DNAH14: variants seen among roughly 807,000 people sequenced by gnomAD.
The protein encoded by DNAH14 is axonemal beta dynein heavy chain 14.
Under a neutral mutation model 520.9 loss-of-function variants are expected in DNAH14, and 478 were observed. The observed-to-expected ratio is 0.92, with a 90% CI of 0.85 to 0.99. The LOEUF is 0.99. Ranked by LOEUF, DNAH14 falls within the 50% of genes least tolerant of loss-of-function variation. The pLI, the probability that DNAH14 is intolerant of heterozygous loss-of-function variation, is 0.00. For missense variants in DNAH14, 4,831 were observed against 5,234.5 expected, an observed-to-expected ratio of 0.92 and a Z score of 2.38; for synonymous variants, 1,581 against 1,757.2, an observed-to-expected ratio of 0.90 and a Z score of 2.51.
At chr1:225,123,724 G>T in intron 27 of DNAH14, 110 bp downstream of exon 27, 1 of 196,702 alleles carries the variant, frequency 5.1e-6, no homozygotes. Flanking sequence ...TGAGTCACAT[G>T]ATTTTTTTTC....
chr1:225,355,592 A>G (rs188232089), intron 73 of DNAH14, among the ~76,000 whole-genome samples: 1 of 152,348 alleles, frequency 6.6e-6, no homozygotes, highest in Non-Finnish European at 1.5e-5. Flanking sequence ...AATTTAGAGG[A>G]GACACCAGCA....
chr1:225,229,564 T>G (rs770883369), intron 41 of DNAH14, among the ~76,000 whole-genome samples: 17 of 152,262 alleles, frequency 1.1e-4, no homozygotes, highest in Non-Finnish European at 2.1e-4. Context: ...ATGGCACATA[T>G]ACACCATGGA....
At chr1:225,278,618 A>G (rs766683211) in intron 54 of DNAH14, among the ~76,000 whole-genome samples, 4 of 152,124 alleles carry the variant, frequency 2.6e-5, no homozygotes, top group Non-Finnish European at 5.9e-5. Context: ...CTGTCTCCAC[A>G]TTTAGAACAT....
chr1:225,003,408 C>G (rs985890432), intron 9 of DNAH14, among the ~76,000 whole-genome samples: 1 of 151,910 alleles, frequency 6.6e-6, no homozygotes, highest in Non-Finnish European at 1.5e-5. Context: ...ATTAAGTCTA[C>G]AATTGAACAA....
intron 1 of DNAH14, among the ~76,000 whole-genome samples, chr1:224,933,427 C>G (rs1379422622): frequency 2.0e-5 from 3 of 152,110 alleles, no homozygotes; most frequent in African/African-American, 7.2e-5. Context: ...ATTTCTTGCT[C>G]TGGCCTGAAT....
chr1:225,052,816 A>G (rs2068673697), intron 17 of DNAH14, among the ~76,000 whole-genome samples: 3 of 152,212 alleles, frequency 2.0e-5, no homozygotes, highest in Non-Finnish European at 4.4e-5. Context: ...AAAAGGTAAC[A>G]GTGGCTTACA....
chr1:225,022,200 T>G lies in DNAH14; in HGVS notation c.1108-1415T>G, dbSNP rs2065760855. On this transcript the variant is annotated intron_variant, in intron 10 of 85. Coordinates refer to ENST00000682510, the MANE Select transcript of DNAH14 (RefSeq NM_001367479.1). ...TCTGGACATCAACCTTGACAAAGAATTTATGACCTAGTCCCCAAATGCAAT... is the reference window on the plus strand; with the variant it reads ...TCTGGACATCAACCTTGACAAAGAAGTTATGACCTAGTCCCCAAATGCAAT... Among the ~76,000 whole-genome samples, 2 of 152,108 alleles carry G rather than the reference T, an allele frequency of 1.3e-5. 1 individual carries two copies. The highest frequency in any genetic ancestry group is 4.8e-5 in the African/African-American group (2 of 41,414).
At chr1:225,374,299 T>A (rs1198523843) in intron 77 of DNAH14, among the ~76,000 whole-genome samples, 3 of 144,730 alleles carry the variant, frequency 2.1e-5, no homozygotes, top group Non-Finnish European at 4.5e-5. Context: ...TCTCACTCTG[T>A]CGCCCAGGCT....
Position 224,929,754 on chromosome 1 carries a change from C to G in DNAH14, c.-115C>G. On this transcript the variant is annotated 5_prime_UTR_variant, in exon 1 of 86. Coordinates refer to ENST00000682510, the MANE Select transcript of DNAH14 (RefSeq NM_001367479.1). ...CGCGGTCCTTCCCATTCACCCTAGT[C>G]TGGCGCTCGCCGGCGTGGGCGGGCC... 1 of 702,164 alleles carries G rather than the reference C, an allele frequency of 1.4e-6. No homozygotes were observed. Among genetic ancestry groups the G allele is most frequent in the Non-Finnish European group, 2.6e-6 (1 of 384,674 alleles). The allele number at this position is 702,164 out of a possible 1,614,324, so 43.5% of individuals were successfully genotyped here.
At chr1:225,082,171 G>GGTGTGTGTGTGTGTGTGTGTGTGT (rs56658194) in intron 19 of DNAH14, among the ~76,000 whole-genome samples, 67 of 145,320 alleles carry the variant, frequency 4.6e-4, no homozygotes, top group East Asian at 1.6e-3. Context: ...GAATGTTTGT[G>GGTGTGTGTGTGTGTGTGTGTGTGT]GTGTGTGTGT....
intron 84 of DNAH14, among the ~76,000 whole-genome samples, chr1:225,395,449 G>A (rs1002775742): frequency 2.0e-5 from 3 of 152,058 alleles, no homozygotes; most frequent in Admixed American, 6.5e-5. Context: ...AAAATTAGCC[G>A]GGCGTAGTGG....
chr1:225,178,978 C>A (rs570642604), intron 36 of DNAH14, among the ~76,000 whole-genome samples: 12 of 152,290 alleles, frequency 7.9e-5, no homozygotes, highest in African/African-American at 2.6e-4. Flanking sequence ...TTTTTGCTTG[C>A]TGCCATCCAT....
At chr1:225,170,841 T>G (rs1323798843) in intron 36 of DNAH14, among the ~76,000 whole-genome samples, 1 of 152,176 alleles carries the variant, frequency 6.6e-6, no homozygotes, top group Admixed American at 6.6e-5. Flanking sequence ...ACACCGCACT[T>G]ATTCCAACAT....
At position 225,257,971 on chromosome 1, in the gene DNAH14, C is replaced by T. The variant is rs1392969445; in HGVS notation, c.6877C>T (p.Leu2293=). The change falls in exon 45 of 86, where the codon CTA becomes TTA. Residue 2293 remains leucine (L), a synonymous_variant. Transcript: ENST00000682510. ...QTLIQRGTSL[L]TNLQRSGGNF... Reference sequence around the variant, plus strand: ...AAATGTTAACTTAGGAACTTCATTACTAACTAATCTTCAAAGATCTGGCGG... The same window carrying T: ...AAATGTTAACTTAGGAACTTCATTATTAACTAATCTTCAAAGATCTGGCGG... 7.1e-6 allele frequency: 11 copies of T among 1,546,940 alleles called. No homozygotes were observed. Among genetic ancestry groups the T allele is most frequent in the Non-Finnish European group, 9.6e-6 (11 of 1,145,298 alleles).
At chr1:225,369,550 A>G (rs969005134) in intron 77 of DNAH14, among the ~76,000 whole-genome samples, 7 of 152,074 alleles carry the variant, frequency 4.6e-5, no homozygotes, top group Non-Finnish European at 8.8e-5. Context: ...GTATATATGT[A>G]TATGCAATTA....
At chr1:225,173,132 G>A (rs2082901439) in intron 36 of DNAH14, among the ~76,000 whole-genome samples, 1 of 152,168 alleles carries the variant, frequency 6.6e-6, no homozygotes, top group Non-Finnish European at 1.5e-5. Context: ...AGACTTAAAT[G>A]TTAGACCTAA....
chr1:225,323,866 A>G (rs2094601656), intron 62 of DNAH14, among the ~76,000 whole-genome samples: 1 of 151,178 alleles, frequency 6.6e-6, no homozygotes, highest in African/African-American at 2.4e-5. Flanking sequence ...CACTCGCTGG[A>G]GTGCAGCGGC....
chr1:225,147,351 T>C, intron 31 of DNAH14, 102 bp downstream of exon 31: 2 of 1,249,056 alleles, frequency 1.6e-6, no homozygotes, highest in Non-Finnish European at 2.1e-6. Flanking sequence ...TGTTTAGGTC[T>C]TTGGGGTGTT....
At chr1:225,207,976 C>G (rs2087815039) in intron 41 of DNAH14, among the ~76,000 whole-genome samples, 1 of 152,296 alleles carries the variant, frequency 6.6e-6, no homozygotes, top group Non-Finnish European at 1.5e-5. Context: ...CACCACAGCA[C>G]AGCTAGGGGC....
Sources: allele counts gnomAD v4.1 joint callset (sites outside exome capture counted in the v4.1 genomes callset), GRCh38; gene constraint gnomAD v4.1.1; transcripts MANE v1.5; gene names NCBI Gene and HGNC (gene_info 2026-07-23, HGNC 2026-07-21).